The following FBXO31 variants were observed in gnomAD, a reference collection of about 807,000 sequenced individuals.
The protein encoded by FBXO31 is F-box only protein 31.
In FBXO31, 24 loss-of-function variants were observed where a neutral mutation model predicts 54.4. The ratio of observed to expected loss-of-function variants is 0.44; its 90% CI spans 0.32 to 0.62. FBXO31 has a LOEUF of 0.62. Ranked by LOEUF, FBXO31 falls within the 20% of genes least tolerant of loss-of-function variation. FBXO31 has a pLI of 0.05. For synonymous variants in FBXO31, 388 were observed against 335.6 expected (o/e 1.16, Z -1.71); for missense variants, 665 against 787.1 (o/e 0.84, Z 1.86).
rs941542258 is a variant in FBXO31, at chr16:87,383,317, G to T, written c.340+88C>A. 1 of 1,252,316 alleles carries T rather than the reference G, an allele frequency of 8.0e-7. No individual in the cohort carries two copies. Among genetic ancestry groups the T allele is most frequent in the African/African-American group, 1.6e-5 (1 of 61,486 alleles). 77.6% of individuals were successfully genotyped at this position (1,252,316 alleles called of 1,614,324 possible). A position where few individuals can be genotyped will look rare whatever the true frequency, so the allele number is the denominator to read the frequency against. On this transcript the variant is annotated intron_variant, in intron 1 of 8. Coordinates refer to ENST00000311635, the MANE Select transcript of FBXO31 (RefSeq NM_024735.5). This position sits in a 1 kb window ranked among gnomAD's most constrained non-coding sequence, Gnocchi z 4.9. Reference sequence around the variant, plus strand: ...GCCCAACTGGTGGCCCCCGGCCGGGGCCACCGCCCCCGCCACTCCCAGCTC... The same window carrying T: ...GCCCAACTGGTGGCCCCCGGCCGGGTCCACCGCCCCCGCCACTCCCAGCTC...
At chr16:87,350,213 G>A (rs1054691893) in intron 2 of FBXO31, among the ~76,000 whole-genome samples, 3 of 152,110 alleles carry the variant, frequency 2.0e-5, no homozygotes, top group African/African-American at 7.2e-5. Flanking sequence ...GGAGCAGGGA[G>A]GGCAAGAAAG....
At chr16:87,378,156 T>A (rs1194634712) in intron 1 of FBXO31, among the ~76,000 whole-genome samples, 5 of 143,600 alleles carry the variant, frequency 3.5e-5, no homozygotes, top group African/African-American at 1.3e-4. Context: ...CAAAACTCCA[T>A]CTCAAAAAAA....
At chr16:87,387,963 G>T (rs1055665335), upstream of FBXO31, among the ~76,000 whole-genome samples, 1 of 152,240 alleles carries the variant, frequency 6.6e-6, no homozygotes, top group Non-Finnish European at 1.5e-5. Flanking sequence ...CAAGAGGATT[G>T]CAGTTTAAAA....
At chr16:87,348,249 G>A (rs1421890244) in intron 2 of FBXO31, among the ~76,000 whole-genome samples, 2 of 152,120 alleles carry the variant, frequency 1.3e-5, no homozygotes, top group African/African-American at 4.8e-5. Flanking sequence ...CTCTCCATCA[G>A]CCTCAGCCTC....
At position 87,328,554 on chromosome 16, in the gene FBXO31, G is replaced by A. The variant is rs1467539424; in HGVS notation, c.*2734C>T. ...GAGGGACCCCAATACCACCTGCCTT[G>A]AATCTCAGCCTGCAGAAGTCGTTTG... On this transcript the variant is annotated 3_prime_UTR_variant, in exon 9 of 9. Coordinates refer to ENST00000311635, the MANE Select transcript of FBXO31 (RefSeq NM_024735.5). 4 of 152,258 alleles carry A rather than the reference G, an allele frequency of 2.6e-5. No individual in the cohort carries two copies. Among genetic ancestry groups the A allele is most frequent in the Non-Finnish European group, 5.9e-5 (4 of 68,050 alleles). The allele number at this position is 152,258 out of a possible 1,614,324, so 9.4% of individuals were successfully genotyped here. A position where few individuals can be genotyped will look rare whatever the true frequency, so the allele number is the denominator to read the frequency against.
intron 2 of FBXO31, among the ~76,000 whole-genome samples, chr16:87,348,864 C>T (rs866887190): frequency 2.0e-5 from 3 of 152,196 alleles, no homozygotes; most frequent in Non-Finnish European, 4.4e-5. Flanking sequence ...CCCTGGATCC[C>T]GCAGAACAAC....
intron 1 of FBXO31, among the ~76,000 whole-genome samples, chr16:87,370,589 T>C (rs1266294911): frequency 6.6e-6 from 1 of 151,984 alleles, no homozygotes; most frequent in Non-Finnish European, 1.5e-5. Context: ...TGGGGATGAC[T>C]GAGGAGGCAG....
At chr16:87,377,453 A>G (rs1906872838) in intron 1 of FBXO31, among the ~76,000 whole-genome samples, 1 of 152,232 alleles carries the variant, frequency 6.6e-6, no homozygotes. Context: ...CTGTCTCAAA[A>G]AAGTTGGAAA....
chr16:87,380,384 C>T (rs140708095), intron 1 of FBXO31, among the ~76,000 whole-genome samples: 4 of 151,512 alleles, frequency 2.6e-5, no homozygotes, highest in African/African-American at 9.7e-5. Flanking sequence ...GGAAATATGC[C>T]TGGTTCATCA....
At chr16:87,364,790 G>A (rs906097790) in intron 1 of FBXO31, among the ~76,000 whole-genome samples, 2 of 151,572 alleles carry the variant, frequency 1.3e-5, no homozygotes, top group African/African-American at 4.8e-5. Flanking sequence ...GGGAGGCCAG[G>A]GCAGGCGGAT....
upstream of FBXO31, chr16:87,392,050 G>C (rs1055012883): frequency 5.0e-6 from 1 of 199,472 alleles, no homozygotes; most frequent in African/African-American, 2.3e-5. Flanking sequence ...AGCGCCCACA[G>C]ACCCGGGGTG....
chr16:87,370,178 C>T (rs547423220), intron 1 of FBXO31, among the ~76,000 whole-genome samples: 2 of 152,174 alleles, frequency 1.3e-5, no homozygotes, highest in Non-Finnish European at 2.9e-5. Flanking sequence ...TCTCAGGGGC[C>T]CGGGGAAGAC....
chr16:87,388,984 A>T (rs894569145), intron 1 of FBXO31, among the ~76,000 whole-genome samples: 2 of 152,312 alleles, frequency 1.3e-5, no homozygotes, highest in East Asian at 3.9e-4. Flanking sequence ...AGTAATATTA[A>T]TTTACCACTC....
At chr16:87,337,940 T>C (rs1905082106) in intron 5 of FBXO31, among the ~76,000 whole-genome samples, 1 of 152,156 alleles carries the variant, frequency 6.6e-6, no homozygotes, top group Non-Finnish European at 1.5e-5. Flanking sequence ...GTTTCACAAA[T>C]TGGACCTCAT....
chr16:87,327,802 G>C lies in FBXO31; in HGVS notation c.*3486C>G. 1 of 152,208 alleles carries C rather than the reference G, an allele frequency of 6.6e-6. No individual in the cohort carries two copies. Among genetic ancestry groups the C allele is most frequent in the East Asian group, 1.9e-4 (1 of 5,196 alleles). The allele number at this position is 152,208 out of a possible 1,614,324, so 9.4% of individuals were successfully genotyped here. A position where few individuals can be genotyped will look rare whatever the true frequency, so the allele number is the denominator to read the frequency against. ...GTTGGGCCACGTTAACACTGGACTTGATCATGATTCCAGGAGTTTTATTCT... is the reference window on the plus strand; with the variant it reads ...GTTGGGCCACGTTAACACTGGACTTCATCATGATTCCAGGAGTTTTATTCT... On this transcript the variant is annotated 3_prime_UTR_variant, in exon 9 of 9. Transcript: ENST00000311635.
chr16:87,353,990 C>A lies in FBXO31; in HGVS notation c.412+6305G>T, dbSNP rs113667794. 3.9e-3 allele frequency among the ~76,000 whole-genome samples: 589 copies of A among 152,356 alleles called. 5 individuals are homozygous for A. The highest frequency in any genetic ancestry group is 0.013 in the African/African-American group (545 of 41,588). ...ACGTCTCTGCGGCCCCCGCTGTGCT[C>A]CCACAGCTACATAATGGGATTCTGC... On this transcript the variant is annotated intron_variant, in intron 2 of 8. Transcript: ENST00000311635.
At chr16:87,384,269 G>T (rs1192772019), upstream of FBXO31, 1 of 151,984 alleles carries the variant, frequency 6.6e-6, no homozygotes, top group Non-Finnish European at 1.5e-5. Flanking sequence ...GCGCCTAGAA[G>T]CCCTTTTGTC....
chr16:87,340,155 C>T (rs55681851), intron 5 of FBXO31, among the ~76,000 whole-genome samples: 1,678 of 152,230 alleles, frequency 0.011, 13 homozygotes, highest in Non-Finnish European at 0.019. Flanking sequence ...TGGTGGCAGG[C>T]GCCTGTAATA....
rs201843394 is a variant in FBXO31, at chr16:87,332,343, A to AC, written c.1398-834dup. On this transcript the variant is annotated intron_variant, in intron 8 of 8. Coordinates refer to ENST00000311635, the MANE Select transcript of FBXO31 (RefSeq NM_024735.5). ...GGGCCCGGGAGCCCCCATATTCAGC[A>AC]CGTCAGGGACTGTCCTGCAGGTTAG... is the stretch of plus-strand genomic sequence containing the variant. Among the ~76,000 whole-genome samples the AC allele has an allele frequency of 8.5e-3, 1,299 of 152,326 alleles. 11 individuals are homozygous for AC. Among genetic ancestry groups the AC allele is most frequent in the African/African-American group, 0.029 (1,226 of 41,574 alleles).
Sources: gnomAD v4.1 joint callset for allele counts (sites outside exome capture counted in the v4.1 genomes callset) on GRCh38, gnomAD v4.1.1 for gene constraint, Gnocchi (gnomAD v3.1) non-coding constraint, MANE v1.5 for transcripts, NCBI Gene and HGNC (gene_info 2026-07-23, HGNC 2026-07-21) for gene names.